Variants in TTC27 observed in about 807,000 individuals in gnomAD.
TTC27 encodes tetratricopeptide repeat domain 27, also known as tetratricopeptide repeat protein 27.
A neutral mutation model predicts 115.9 loss-of-function variants in TTC27; 79 were observed. That is an observed-to-expected ratio of 0.68 (90% CI 0.57 to 0.82). TTC27 has a LOEUF of 0.82. TTC27 is among the 40% of genes least tolerant of loss of function. TTC27 has a pLI of 0.00. For missense variants in TTC27, 1,054 were observed against 993.1 expected (o/e 1.06, Z -0.82); for synonymous variants, 401 against 356.0 (o/e 1.13, Z -1.42).
At chr2:32,768,489 A>G (rs184954027) in intron 13 of TTC27, among the ~76,000 whole-genome samples, 1 of 152,288 alleles carries the variant, frequency 6.6e-6, no homozygotes, top group Non-Finnish European at 1.5e-5. Context: ...TCAGATATGG[A>G]TGTGGTTATG....
At chr2:32,695,005 A>G (rs1666936580) in intron 9 of TTC27, among the ~76,000 whole-genome samples, 1 of 152,090 alleles carries the variant, frequency 6.6e-6, no homozygotes, top group Admixed American at 6.6e-5. Context: ...GGATTTTGAC[A>G]GTAGTGGTTT....
intron 4 of TTC27, among the ~76,000 whole-genome samples, chr2:32,642,636 A>G (rs1226436812): frequency 6.6e-6 from 1 of 151,878 alleles, no homozygotes; most frequent in Admixed American, 6.6e-5. Flanking sequence ...TTTGGAAGCC[A>G]TTGTACTAGA....
chr2:32,784,310 G>A (rs1192247943), intron 15 of TTC27, among the ~76,000 whole-genome samples: 1 of 152,186 alleles, frequency 6.6e-6, no homozygotes, highest in Admixed American at 6.5e-5. Flanking sequence ...AGGTGGAGTT[G>A]TAAGGTCTGA....
intron 6 of TTC27, among the ~76,000 whole-genome samples, chr2:32,665,635 CT>C (rs1327845249): frequency 6.6e-6 from 1 of 152,170 alleles, no homozygotes; most frequent in East Asian, 1.9e-4. Flanking sequence ...TGACTCATGC[CT>C]GTAATCCCAG....
At chr2:32,716,373 T>A (rs1370133220) in intron 10 of TTC27, among the ~76,000 whole-genome samples, 1 of 152,190 alleles carries the variant, frequency 6.6e-6, no homozygotes, top group African/African-American at 2.4e-5. Flanking sequence ...CTGCATATAA[T>A]AAAAAAATTA....
intron 9 of TTC27, among the ~76,000 whole-genome samples, chr2:32,692,839 C>T (rs1369917780): frequency 1.3e-5 from 2 of 151,802 alleles, no homozygotes; most frequent in African/African-American, 2.4e-5. Flanking sequence ...AGCCAGGCGT[C>T]GTGGTGAACG....
chr2:32,792,478 G>C (rs1670568562), intron 16 of TTC27, among the ~76,000 whole-genome samples: 1 of 150,974 alleles, frequency 6.6e-6, no homozygotes, highest in South Asian at 2.1e-4. Context: ...TCTAAGAACT[G>C]TTTTTTGTTT....
chr2:32,747,871 C>T (rs1389101966), intron 12 of TTC27, among the ~76,000 whole-genome samples: 1 of 152,026 alleles, frequency 6.6e-6, no homozygotes, highest in Non-Finnish European at 1.5e-5. Flanking sequence ...GTAATGTCTC[C>T]TTTTCTTTCT....
At chr2:32,642,546 C>G (rs944523510) in intron 4 of TTC27, among the ~76,000 whole-genome samples, 14 of 152,214 alleles carry the variant, frequency 9.2e-5, no homozygotes, top group Admixed American at 9.2e-4. Flanking sequence ...AGCCACCGCA[C>G]CTGGCCTAAA....
Position 32,666,592 on chromosome 2 carries a change from T to C in TTC27, c.806-43T>C, listed in dbSNP as rs779190438. 6 of 1,605,016 alleles carry C rather than the reference T, an allele frequency of 3.7e-6. No individual in the cohort carries two copies. The South Asian group carries it at 5.6e-5, about 15-fold the overall frequency. On this transcript the variant is annotated intron_variant, in intron 6 of 19. Transcript: ENST00000317907. ...TTACTCTTCATGACTGTACAGTAGA[T>C]CTCATGGGTAAGTCAGTAGATATAA...
intron 5 of TTC27, among the ~76,000 whole-genome samples, chr2:32,663,668 GTA>G (rs1559194056): frequency 3.0e-4 from 46 of 151,304 alleles, no homozygotes; most frequent in African/African-American, 1.1e-3. Flanking sequence ...ATGTATGTAT[GTA>G]TGTATGTATG....
At chr2:32,784,651 G>A (rs902724988) in intron 15 of TTC27, among the ~76,000 whole-genome samples, 11 of 152,290 alleles carry the variant, frequency 7.2e-5, no homozygotes, top group African/African-American at 2.6e-4. Flanking sequence ...CTGAAGTGAA[G>A]CACCTTACAA....
chr2:32,745,054 C>CAAAAAA (rs57044153), intron 12 of TTC27, among the ~76,000 whole-genome samples: 1 of 49,882 alleles, frequency 2.0e-5, no homozygotes, highest in Non-Finnish European at 3.3e-5. Flanking sequence ...AACTCTGTCT[C>CAAAAAA]AAAAAAAAAA....
chr2:32,664,249 T>C (rs1373225495), intron 5 of TTC27, 54 bp from the exon 6 acceptor site: 6 of 1,473,244 alleles, frequency 4.1e-6, no homozygotes, highest in Non-Finnish European at 4.6e-6. Flanking sequence ...TTTTACACAT[T>C]AATATATTTT....
chr2:32,795,421 C>T (rs1341192034), intron 16 of TTC27, among the ~76,000 whole-genome samples: 1 of 151,834 alleles, frequency 6.6e-6, no homozygotes, highest in Non-Finnish European at 1.5e-5. Context: ...ATTTAAAAAG[C>T]ACTGAACAAA....
chr2:32,666,519 T>G (rs1232157144), intron 6 of TTC27, 116 bp from the exon 7 acceptor site: 1 of 1,106,094 alleles, frequency 9.0e-7, no homozygotes, highest in African/African-American at 1.6e-5. Flanking sequence ...GACTTTCTTA[T>G]GTGAAATGGA....
At chr2:32,731,326 G>T (rs1668285564) in intron 10 of TTC27, among the ~76,000 whole-genome samples, 1 of 151,686 alleles carries the variant, frequency 6.6e-6, no homozygotes, top group Non-Finnish European at 1.5e-5. Flanking sequence ...TGATCCGCCT[G>T]CCTCAGCCTC....
intron 18 of TTC27, among the ~76,000 whole-genome samples, chr2:32,816,387 C>T (rs965761342): frequency 7.9e-5 from 12 of 151,960 alleles, no homozygotes; most frequent in South Asian, 2.1e-4. Flanking sequence ...TTAATCCTTG[C>T]GCTGTTTAGT....
chr2:32,641,827 C>T (rs1003543029), intron 4 of TTC27, among the ~76,000 whole-genome samples: 1 of 150,916 alleles, frequency 6.6e-6, no homozygotes, highest in African/African-American at 2.4e-5. Flanking sequence ...TACAGGCATG[C>T]GTCACCATGT....
Sources: gnomAD v4.1 joint callset for allele counts (sites outside exome capture counted in the v4.1 genomes callset) on GRCh38, gnomAD v4.1.1 for gene constraint, MANE v1.5 for transcripts, NCBI Gene and HGNC (gene_info 2026-07-23, HGNC 2026-07-21) for gene names.